ALK: variants seen among roughly 807,000 people sequenced by gnomAD.
The protein encoded by ALK is ALK receptor tyrosine kinase.
ALK carries 74 observed loss-of-function variants against 163.1 expected under a neutral mutation model. That is an observed-to-expected ratio of 0.45 (90% CI 0.38 to 0.55). The LOEUF is 0.55. Ranked by LOEUF, ALK falls within the 20% of genes least tolerant of loss-of-function variation. ALK has a pLI of 0.00. For synonymous variants in ALK, 960 were observed against 843.2 expected, an observed-to-expected ratio of 1.14 and a Z score of -2.40; for missense variants, 2,063 against 2,105.3, an observed-to-expected ratio of 0.98 and a Z score of 0.39.
intron 1 of ALK, among the ~76,000 whole-genome samples, chr2:29,867,856 G>A (rs956630993): frequency 6.6e-6 from 1 of 152,156 alleles, no homozygotes; most frequent in African/African-American, 2.4e-5. Flanking sequence ...TCCTTGCTTT[G>A]CTTGAGTGAG....
chr2:29,478,055 C>G (rs770006228), intron 4 of ALK, among the ~76,000 whole-genome samples: 12 of 152,222 alleles, frequency 7.9e-5, no homozygotes, highest in Non-Finnish European at 1.5e-4. Context: ...GCTCCTCCAT[C>G]CATAAAAAAT....
chr2:29,776,752 G>C (rs1371926630), intron 1 of ALK, among the ~76,000 whole-genome samples: 3 of 152,008 alleles, frequency 2.0e-5, no homozygotes, highest in African/African-American at 2.4e-5. Context: ...AGCTATGATT[G>C]TACCACTGCA....
At chr2:29,481,749 C>T (rs1241452143) in intron 4 of ALK, among the ~76,000 whole-genome samples, 2 of 152,140 alleles carry the variant, frequency 1.3e-5, no homozygotes, top group African/African-American at 4.8e-5. Context: ...TCATTTTTCT[C>T]TTTGCATGGT....
chr2:29,310,230 T>C (rs1348527647), intron 8 of ALK, among the ~76,000 whole-genome samples: 4 of 152,182 alleles, frequency 2.6e-5, no homozygotes, highest in Admixed American at 1.3e-4. Context: ...ACTCTGCCTC[T>C]AGCAGGGTGA....
At chr2:29,296,804 G>A in intron 9 of ALK, 84 bp downstream of exon 9, 1 of 1,578,676 alleles carries the variant, frequency 6.3e-7, no homozygotes, top group Non-Finnish European at 8.7e-7. Flanking sequence ...TTGGGTAAAA[G>A]GCACGGGGAA....
chr2:29,458,372 A>G (rs911335669), intron 4 of ALK, among the ~76,000 whole-genome samples: 3 of 152,112 alleles, frequency 2.0e-5, no homozygotes, highest in African/African-American at 7.2e-5. Context: ...ATGTTGTAAT[A>G]TTACATAGAA....
chr2:29,369,117 G>A (rs967455631), intron 5 of ALK, among the ~76,000 whole-genome samples: 5 of 152,164 alleles, frequency 3.3e-5, no homozygotes, highest in South Asian at 2.1e-4. Context: ...GACACTCACA[G>A]GAAAATGCTG....
At chr2:29,258,564 A>T (rs1258856572) in intron 11 of ALK, among the ~76,000 whole-genome samples, 2 of 152,214 alleles carry the variant, frequency 1.3e-5, no homozygotes, top group Non-Finnish European at 2.9e-5. Flanking sequence ...AAGATACTGA[A>T]TTGGTTCTCT....
intron 1 of ALK, among the ~76,000 whole-genome samples, chr2:29,911,234 T>G (rs548074932): frequency 6.6e-6 from 1 of 152,342 alleles, no homozygotes; most frequent in East Asian, 1.9e-4. Context: ...TATGATTCAG[T>G]GAGTGCAGAG....
At chr2:29,613,385 C>T (rs749735390) in intron 3 of ALK, among the ~76,000 whole-genome samples, 7 of 152,202 alleles carry the variant, frequency 4.6e-5, no homozygotes, top group Non-Finnish European at 8.8e-5. Flanking sequence ...TAAACTACCT[C>T]AATCCCTTTT....
At chr2:29,262,117 G>C (rs746415710) in intron 11 of ALK, among the ~76,000 whole-genome samples, 4 of 152,212 alleles carry the variant, frequency 2.6e-5, no homozygotes, top group Non-Finnish European at 5.9e-5. Flanking sequence ...TAGGTCAGTA[G>C]ATAGGGAAGG....
intron 3 of ALK, among the ~76,000 whole-genome samples, chr2:29,660,025 C>T (rs567937616): frequency 7.9e-5 from 12 of 152,218 alleles, no homozygotes; most frequent in African/African-American, 2.2e-4. Flanking sequence ...ACCCCACTTT[C>T]GGGACATGAA....
At chr2:29,840,190 A>G (rs1401728611) in intron 1 of ALK, among the ~76,000 whole-genome samples, 1 of 152,214 alleles carries the variant, frequency 6.6e-6, no homozygotes, top group Non-Finnish European at 1.5e-5. Flanking sequence ...GTCACTTACT[A>G]TGTGACAGGC....
intron 3 of ALK, among the ~76,000 whole-genome samples, chr2:29,642,325 C>T (rs745760493): frequency 1.3e-5 from 2 of 152,160 alleles, no homozygotes; most frequent in Non-Finnish European, 2.9e-5. Flanking sequence ...AGCAAAGCAA[C>T]TCAGTGGCTG....
At chr2:29,443,303 A>G (rs1444675842) in intron 4 of ALK, among the ~76,000 whole-genome samples, 2 of 152,208 alleles carry the variant, frequency 1.3e-5, no homozygotes, top group Non-Finnish European at 2.9e-5. Context: ...CTGAGAACCA[A>G]TGAGGAAAAC....
At position 29,711,057 on chromosome 2, in the gene ALK, G is replaced by A. The variant is rs183129171; in HGVS notation, c.787+6521C>T. Among the ~76,000 whole-genome samples the A allele has an allele frequency of 3.6e-4, 55 of 152,212 alleles. No individual in the cohort carries two copies. In the East Asian group the frequency reaches 4.8e-3, roughly 13 times the overall value. On this transcript the variant is annotated intron_variant, in intron 2 of 28. Transcript: ENST00000389048. Reference sequence around the variant, plus strand: ...CATCTTCATCCACTCAATTACTCAAGGTGGATTCTCCTGAATAGGAAACCA... The same window carrying A: ...CATCTTCATCCACTCAATTACTCAAAGTGGATTCTCCTGAATAGGAAACCA...
At chr2:29,706,971 C>T (rs898751075) in intron 2 of ALK, among the ~76,000 whole-genome samples, 1 of 107,536 alleles carries the variant, frequency 9.3e-6, no homozygotes, top group African/African-American at 3.1e-5. Flanking sequence ...AACACTCATG[C>T]AGAATGTGTG....
intron 3 of ALK, among the ~76,000 whole-genome samples, chr2:29,606,700 A>G (rs1488896104): frequency 1.3e-5 from 2 of 152,184 alleles, no homozygotes; most frequent in East Asian, 1.9e-4. Context: ...CTGTTCACCT[A>G]TTGTCTATGG....
intron 4 of ALK, among the ~76,000 whole-genome samples, chr2:29,424,799 T>C (rs1383270227): frequency 1.3e-5 from 2 of 152,198 alleles, no homozygotes; most frequent in Admixed American, 6.5e-5. Context: ...AACCAACATT[T>C]ACTAATGGTA....
Sources: allele counts gnomAD v4.1 joint callset (sites outside exome capture counted in the v4.1 genomes callset), GRCh38; gene constraint gnomAD v4.1.1; transcripts MANE v1.5; gene names NCBI Gene and HGNC (gene_info 2026-07-23, HGNC 2026-07-21).